The following ELAVL1 variants were observed in gnomAD, a reference collection of about 807,000 sequenced individuals.
ELAVL1 encodes the protein ELAV-like protein 1.
Under a neutral mutation model 28.4 loss-of-function variants are expected in ELAVL1, and 1 was observed. The observed-to-expected ratio is 0.04, with a 90% CI of 0.01 to 0.17. The LOEUF (loss-of-function observed/expected upper bound fraction) is 0.17. Ranked by LOEUF, ELAVL1 falls within the 10% of genes least tolerant of loss-of-function variation. ELAVL1 has a pLI of 1.00. For synonymous variants in ELAVL1, 174 were observed against 183.5 expected (o/e 0.95, Z 0.42); for missense variants, 157 against 447.2 (o/e 0.35, Z 5.85).
rs776283805 is a variant in ELAVL1, at chr19:7,960,126, C to G, written c.*3357G>C. ...AAATGGCCTTCATTTGGAAGCAAAC[C>G]GGGTCAAGGAATTGCCACTAACCGT... is the stretch of plus-strand genomic sequence containing the variant. On this transcript the variant is annotated 3_prime_UTR_variant, in exon 6 of 6. Transcript: ENST00000407627. 1 of 152,112 alleles carries G rather than the reference C, an allele frequency of 6.6e-6. No individual in the cohort carries two copies. Among genetic ancestry groups the G allele is most frequent in the African/African-American group, 2.4e-5 (1 of 41,410 alleles). The allele number at this position is 152,112 out of a possible 1,614,324, so 9.4% of individuals were successfully genotyped here. A position where few individuals can be genotyped will look rare whatever the true frequency, so the allele number is the denominator to read the frequency against.
chr19:7,965,491 G>C (rs1984934148), intron 5 of ELAVL1, among the ~76,000 whole-genome samples: 1 of 151,786 alleles, frequency 6.6e-6, no homozygotes, highest in South Asian at 2.1e-4. Context: ...CTTATCTCTG[G>C]GCTTTTCTGG....
intron 5 of ELAVL1, among the ~76,000 whole-genome samples, chr19:7,964,201 G>C (rs533140441): frequency 2.0e-5 from 3 of 152,312 alleles, no homozygotes; most frequent in Admixed American, 2.0e-4. Context: ...AACTCTCCTC[G>C]TACTGTGGGG....
In ELAVL1 at chr19:7,973,505, C is replaced by T. The variant is rs376326059; in HGVS notation, c.430+220G>A. On this transcript the variant is annotated intron_variant, in intron 4 of 5. Coordinates refer to ENST00000407627, the MANE Select transcript of ELAVL1 (RefSeq NM_001419.3). ...TTGGCCTCCCAAAGTGCTGGGATTA[C>T]AGGCGTGAGCCACCACGCCCAGATA... is the stretch of plus-strand genomic sequence containing the variant. The T allele has an allele frequency of 1.0e-4, 62 of 601,962 alleles. 1 individual carries two copies. In the East Asian group the frequency reaches 1.2e-3, roughly 12 times the overall value. 37.3% of individuals were successfully genotyped at this position (601,962 alleles called of 1,614,324 possible).
chr19:7,974,401 A>G (rs961546514), intron 3 of ELAVL1, among the ~76,000 whole-genome samples: 3 of 152,236 alleles, frequency 2.0e-5, no homozygotes, highest in African/African-American at 7.2e-5. Context: ...AAACGACTCA[A>G]TGCCTTTTGG....
chr19:7,986,264 A>G (rs1361239424), intron 2 of ELAVL1, among the ~76,000 whole-genome samples: 1 of 152,218 alleles, frequency 6.6e-6, no homozygotes, highest in Non-Finnish European at 1.5e-5. Flanking sequence ...TTCTCTCTTT[A>G]AAGGCTCAAG....
At chr19:7,965,807 C>T in intron 5 of ELAVL1, among the ~76,000 whole-genome samples, 1 of 152,172 alleles carries the variant, frequency 6.6e-6, no homozygotes, top group East Asian at 1.9e-4. Context: ...ATATAGCCCG[C>T]CCCATCAAGA....
intron 5 of ELAVL1, among the ~76,000 whole-genome samples, chr19:7,964,446 G>A (rs912119869): frequency 7.9e-5 from 12 of 152,086 alleles, no homozygotes; most frequent in African/African-American, 2.9e-4. Flanking sequence ...CAAGGGACAG[G>A]GAAGGGCCCT....
chr19:7,972,295 G>A (rs1985137103), intron 4 of ELAVL1, among the ~76,000 whole-genome samples: 1 of 152,246 alleles, frequency 6.6e-6, no homozygotes, highest in East Asian at 1.9e-4. Flanking sequence ...ATGTGGTGGG[G>A]CACTAGTTCC....
chr19:7,967,979 A>C (rs1237646710), intron 4 of ELAVL1, among the ~76,000 whole-genome samples, 189 bp from the exon 5 acceptor site: 1 of 152,262 alleles, frequency 6.6e-6, no homozygotes, highest in African/African-American at 2.4e-5. Context: ...ACAGAAGATT[A>C]AAGCTTCAGA....
intron 1 of ELAVL1, among the ~76,000 whole-genome samples, chr19:7,995,783 TA>T (rs36099865): frequency 0.24 from 34,221 of 145,388 alleles, 3,990 homozygotes; most frequent in Non-Finnish European, 0.29. Context: ...CCCACTTCGT[TA>T]AAAAAAAAAA....
rs191821938 is a variant in ELAVL1 at position 7,967,132 on chromosome 19, C to A, written c.656+433G>T. Among the ~76,000 whole-genome samples, 317 of 152,114 alleles carry A rather than the reference C, an allele frequency of 2.1e-3. 1 individual carries two copies. Among genetic ancestry groups the A allele is most frequent in the African/African-American group, 7.4e-3 (308 of 41,486 alleles). On this transcript the variant is annotated intron_variant, in intron 5 of 5. Transcript: ENST00000407627. ...CTCACTGCAGCCTCAACCTCCTGGG[C>A]TCAAGCAATCCTCCCACCTCAGCTT...
chr19:7,978,741 G>A (rs1356007781), intron 3 of ELAVL1, among the ~76,000 whole-genome samples: 7 of 152,288 alleles, frequency 4.6e-5, no homozygotes, highest in African/African-American at 1.7e-4. Flanking sequence ...AAGTGCAGGG[G>A]CCTGGGGTCC....
intron 2 of ELAVL1, 104 bp downstream of exon 2, chr19:7,991,540 A>T: frequency 8.7e-7 from 1 of 1,144,472 alleles, no homozygotes; most frequent in Non-Finnish European, 1.2e-6. Context: ...TCAAGGCTGT[A>T]GTTATCCTGC....
At chr19:8,000,819 T>TC (rs1251370287) in intron 1 of ELAVL1, among the ~76,000 whole-genome samples, 1 of 152,228 alleles carries the variant, frequency 6.6e-6, no homozygotes. Context: ...TCAGCCAGGC[T>TC]GAGAAGCCCG....
chr19:7,992,527 C>A (rs1212818210), intron 1 of ELAVL1, among the ~76,000 whole-genome samples: 1 of 152,092 alleles, frequency 6.6e-6, no homozygotes, highest in Non-Finnish European at 1.5e-5. Flanking sequence ...ACTCTATGAC[C>A]TTCTGGAAGA....
At position 7,989,639 on chromosome 19, in the gene ELAVL1, G is replaced by A. The variant is rs118138309; in HGVS notation, c.172+2005C>T. 3.5e-3 allele frequency among the ~76,000 whole-genome samples: 530 copies of A among 152,342 alleles called. 3 individuals are homozygous for A. The highest frequency in any genetic ancestry group is 0.01 in the Middle Eastern group (3 of 294). On this transcript the variant is annotated intron_variant, in intron 2 of 5. Coordinates refer to ENST00000407627, the MANE Select transcript of ELAVL1 (RefSeq NM_001419.3). ...TCCCTTCCACCAGAAAGAGGAAAAA[G>A]GTGAGAATTGTTAGTGGCACAGGAG...
chr19:7,999,222 A>T (rs1056522562), intron 1 of ELAVL1, among the ~76,000 whole-genome samples: 3 of 152,182 alleles, frequency 2.0e-5, no homozygotes, highest in African/African-American at 7.2e-5. Context: ...AAAATACAAA[A>T]ATTAGCTGGG....
At position 7,991,963 on chromosome 19, in the gene ELAVL1, CAG is replaced by C. The variant is rs909930213; in HGVS notation, c.-16-134_-16-133del. 154 of 755,208 alleles carry C rather than the reference CAG, an allele frequency of 2.0e-4. 5 individuals carry two copies. The South Asian group carries it at 3.3e-3, about 16-fold the overall frequency. The allele number at this position is 755,208 out of a possible 1,614,324, so 46.8% of individuals were successfully genotyped here. A position where few individuals can be genotyped will look rare whatever the true frequency, so the allele number is the denominator to read the frequency against. On this transcript the variant is annotated intron_variant, in intron 1 of 5. Transcript: ENST00000407627. Reference sequence around the variant, plus strand: ...TTTTTTTTTTGTTTTGTTTTTGAGACAGAGTCTCACTCTGTCACCCAGGCTGG... The same window carrying C: ...TTTTTTTTTTGTTTTGTTTTTGAGACAGTCTCACTCTGTCACCCAGGCTGG...
Position 8,002,798 on chromosome 19 carries a change from G to A in ELAVL1, c.-17+2697C>T, listed in dbSNP as rs553523128. ...CTCCAGGTGGAGGCTGCAACAGGCA[G>A]GGAGGGTTAGAGTTTGGGGTCTACG... On this transcript the variant is annotated intron_variant, in intron 1 of 5. Transcript: ENST00000407627. Among the ~76,000 whole-genome samples the A allele has an allele frequency of 2.0e-5, 3 of 152,302 alleles. No homozygotes were observed. The East Asian group carries it at 5.8e-4, about 29-fold the overall frequency.
Sources: allele counts gnomAD v4.1 joint callset (sites outside exome capture counted in the v4.1 genomes callset), GRCh38; gene constraint gnomAD v4.1.1; transcripts MANE v1.5; gene names NCBI Gene and HGNC (gene_info 2026-07-23, HGNC 2026-07-21).